EPB41L5: variants seen among roughly 807,000 people sequenced by gnomAD.
The protein encoded by EPB41L5 is erythrocyte membrane protein band 4.1 like 5, also known as band 4.1-like protein 5.
A neutral mutation model predicts 106.6 loss-of-function variants in EPB41L5; 55 were observed. The ratio of observed to expected loss-of-function variants is 0.52; its 90% confidence interval spans 0.42 to 0.65. EPB41L5 has a LOEUF of 0.65. EPB41L5 is among the 30% of genes least tolerant of loss of function. The pLI is 0.00. For missense variants in EPB41L5, 871 were observed against 882.1 expected, an observed-to-expected ratio of 0.99 and a Z score of 0.16; for synonymous variants, 297 against 306.7, an observed-to-expected ratio of 0.97 and a Z score of 0.33.
chr2:120,058,976 CAG>C (rs1680848046), intron 3 of EPB41L5, among the ~76,000 whole-genome samples: 1 of 152,034 alleles, frequency 6.6e-6, no homozygotes, highest in Non-Finnish European at 1.5e-5. Flanking sequence ...TATGGAAAGA[CAG>C]AGGACTACTA....
In EPB41L5 at chr2:120,175,157, C is replaced by A. The variant is rs1687877265; in HGVS notation, c.*250C>A. 2.2e-6 allele frequency: 1 copy of A among 454,884 alleles called. No homozygotes were observed. Among genetic ancestry groups the A allele is most frequent in the Admixed American group, 3.3e-5 (1 of 30,404 alleles). The allele number at this position is 454,884 out of a possible 1,614,324, so 28.2% of individuals were successfully genotyped here. A position where few individuals can be genotyped will look rare whatever the true frequency, so the allele number is the denominator to read the frequency against. Reference sequence around the variant, plus strand: ...TATACTTTTATAAATGTTACAAATTCCCGAAAGAAGGGAATTTCTTTTTCT... The same window carrying A: ...TATACTTTTATAAATGTTACAAATTACCGAAAGAAGGGAATTTCTTTTTCT... On this transcript the variant is annotated 3_prime_UTR_variant, in exon 25 of 25. Coordinates refer to ENST00000263713, the MANE Select transcript of EPB41L5 (RefSeq NM_020909.4).
At chr2:120,076,192 A>AT (rs1248617498) in intron 7 of EPB41L5, among the ~76,000 whole-genome samples, 1 of 151,824 alleles carries the variant, frequency 6.6e-6, no homozygotes, top group Non-Finnish European at 1.5e-5. Context: ...TCTCCCCCCG[A>AT]TTTTTTTTAG....
chr2:120,150,185 C>G lies in EPB41L5; in HGVS notation c.1793+3896C>G, dbSNP rs928987629. On this transcript the variant is annotated intron_variant, in intron 20 of 24. Coordinates refer to ENST00000263713, the MANE Select transcript of EPB41L5 (RefSeq NM_020909.4). ...GTGCTGAAATTACAGGTGGGAGCCA[C>G]CACACCCAGCCTCAGTGTACTTTTG... 3.3e-5 allele frequency among the ~76,000 whole-genome samples: 5 copies of G among 152,144 alleles called. No homozygotes were observed. The East Asian group carries it at 9.6e-4, about 29-fold the overall frequency.
intron 3 of EPB41L5, among the ~76,000 whole-genome samples, chr2:120,069,447 AACT>A (rs1396831618): frequency 1.1e-4 from 17 of 152,138 alleles, no homozygotes; most frequent in African/African-American, 3.9e-4. Context: ...TTAGGACTTG[AACT>A]CAGCTCTGGA....
intron 2 of EPB41L5, among the ~76,000 whole-genome samples, chr2:120,035,884 T>A (rs1035613320): frequency 6.6e-6 from 1 of 152,116 alleles, no homozygotes; most frequent in Non-Finnish European, 1.5e-5. Flanking sequence ...TCATAAAACT[T>A]AAGACAGAAA....
At chr2:120,075,152 C>G (rs1045475317) in intron 5 of EPB41L5, among the ~76,000 whole-genome samples, 12 of 152,102 alleles carry the variant, frequency 7.9e-5, no homozygotes, top group Non-Finnish European at 1.2e-4. Context: ...CTTCTAAGAT[C>G]TAGTGTTAGA....
chr2:120,085,352 G>A (rs961543957), intron 10 of EPB41L5, among the ~76,000 whole-genome samples: 7 of 152,218 alleles, frequency 4.6e-5, no homozygotes, highest in Admixed American at 2.0e-4. Flanking sequence ...CTGCAGGTCT[G>A]TTGGAGTTTG....
At chr2:120,053,722 C>T (rs773295675) in intron 3 of EPB41L5, among the ~76,000 whole-genome samples, 2 of 152,066 alleles carry the variant, frequency 1.3e-5, no homozygotes, top group African/African-American at 4.8e-5. Flanking sequence ...TTTATTTACT[C>T]ATCCATTGAT....
chr2:120,028,040 T>C lies in EPB41L5; in HGVS notation c.180+8776T>C, dbSNP rs557905894. Among the ~76,000 whole-genome samples, 3 of 152,118 alleles carry C rather than the reference T, an allele frequency of 2.0e-5. No homozygotes were observed. In the East Asian group the frequency reaches 5.8e-4, roughly 29 times the overall value. On this transcript the variant is annotated intron_variant, in intron 2 of 24. Transcript: ENST00000263713. The stretch of plus-strand genomic sequence containing the variant: ...ACCACACCCAGCTAATTTTTGTTAT[T>C]TTTAGTAGAGAAAGGGTTTCACCAT...
rs1221146319 is a variant in EPB41L5 at position 120,167,971 on chromosome 2, C to CT, written c.2100dup (p.Pro701SerfsTer32). On this transcript the variant is annotated frameshift_variant, in exon 24 of 25. Coordinates refer to ENST00000263713, the MANE Select transcript of EPB41L5 (RefSeq NM_020909.4). LOFTEE classifies it high-confidence loss of function. ...AATAAAGATGGAATCTCACTGATCT[C>CT]TCCCCCAGCGCCATTCTTGGTAGAT... 3.1e-6 allele frequency: 5 copies of CT among 1,614,114 alleles called. No individual in the cohort carries two copies. Among genetic ancestry groups the CT allele is most frequent in the East Asian group, 2.2e-5 (1 of 44,886 alleles).
At chr2:120,108,177 A>T (rs1293569317) in intron 16 of EPB41L5, 1 of 152,132 alleles carries the variant, frequency 6.6e-6, no homozygotes, top group African/African-American at 2.4e-5. Flanking sequence ...GTGGTGCTTG[A>T]GTGAACATTT....
At chr2:120,144,067 T>C (rs748707672) in intron 19 of EPB41L5, among the ~76,000 whole-genome samples, 3 of 152,214 alleles carry the variant, frequency 2.0e-5, no homozygotes, top group South Asian at 4.1e-4. Context: ...TCAATAGTTA[T>C]AGTAGCAGTA....
At chr2:120,110,232 A>T (rs777208290) in intron 16 of EPB41L5, among the ~76,000 whole-genome samples, 2 of 152,124 alleles carry the variant, frequency 1.3e-5, no homozygotes, top group African/African-American at 2.4e-5. Flanking sequence ...TAGCTTAGAG[A>T]TGTCACTATT....
chr2:120,069,104 G>C (rs529812768), intron 3 of EPB41L5, among the ~76,000 whole-genome samples: 1 of 119,842 alleles, frequency 8.3e-6, no homozygotes, highest in Non-Finnish European at 1.6e-5. Context: ...CTCCAGCCTG[G>C]GCAACAAGAG....
chr2:120,091,485 A>T, intron 12 of EPB41L5, 70 bp from the exon 13 acceptor site: 1 of 1,009,142 alleles, frequency 9.9e-7, no homozygotes, highest in Non-Finnish European at 1.5e-6. Flanking sequence ...CTGAATGTGG[A>T]CTGTCTTATT....
chr2:120,026,133 C>G (rs1678293156), intron 2 of EPB41L5, among the ~76,000 whole-genome samples: 1 of 152,090 alleles, frequency 6.6e-6, no homozygotes, highest in East Asian at 1.9e-4. Flanking sequence ...GAATAAAGAC[C>G]TAAAAGTATG....
chr2:120,141,754 G>T (rs1344332507), intron 18 of EPB41L5, among the ~76,000 whole-genome samples: 1 of 152,064 alleles, frequency 6.6e-6, no homozygotes, highest in Non-Finnish European at 1.5e-5. Context: ...TCAGGAGAGA[G>T]CATGTTAACC....
intron 4 of EPB41L5, 107 bp downstream of exon 4, chr2:120,073,327 C>A: frequency 4.1e-6 from 4 of 979,040 alleles, no homozygotes; most frequent in African/African-American, 1.6e-5. Flanking sequence ...AGTTTTTTAG[C>A]ATTTCCATTT....
At chr2:120,106,626 C>T (rs1178086278) in intron 16 of EPB41L5, 1 of 983,936 alleles carries the variant, frequency 1.0e-6, no homozygotes, top group Admixed American at 6.2e-5. Flanking sequence ...ATTTACAGTG[C>T]TTTGGCTAAT....
Sources: allele counts gnomAD v4.1 joint callset (sites outside exome capture counted in the v4.1 genomes callset), GRCh38; gene constraint gnomAD v4.1.1; transcripts MANE v1.5; gene names NCBI Gene and HGNC (gene_info 2026-07-23, HGNC 2026-07-21).